The following SHC2 variants were observed in gnomAD, a reference collection of about 807,000 sequenced individuals.
The protein encoded by SHC2 is SHC-transforming protein 2.
Under a neutral mutation model 60.6 loss-of-function variants are expected in SHC2, and 62 were observed. The observed-to-expected ratio is 1.02, with a 90% CI of 0.83 to 1.26. SHC2 has a LOEUF of 1.26. Ranked by LOEUF, SHC2 falls within the 50% of genes most tolerant of loss-of-function variation. SHC2 has a pLI of 0.00. For missense variants in SHC2, 873 were observed against 822.2 expected (o/e 1.06, Z -0.76); for synonymous variants, 375 against 372.4 (o/e 1.01, Z -0.08).
intron 4 of SHC2, 102 bp from the exon 5 acceptor site, chr19:436,785 G>T: frequency 4.4e-6 from 5 of 1,135,246 alleles, no homozygotes; most frequent in Non-Finnish European, 6.3e-6. Context: ...GCAGGGGCAG[G>T]GATGTGGGGA....
chr19:428,782 CTG>C (rs1381301705), intron 9 of SHC2, among the ~76,000 whole-genome samples: 4 of 143,990 alleles, frequency 2.8e-5, no homozygotes, highest in African/African-American at 1.0e-4. Context: ...AAACCTAATA[CTG>C]TGTGGATGAC....
chr19:461,000 C>T lies in SHC2; in HGVS notation c.-4G>A, dbSNP rs1235065681. 105 of 955,762 alleles carry T rather than the reference C, an allele frequency of 1.1e-4. No individual in the cohort carries two copies. Among genetic ancestry groups the T allele is most frequent in the Non-Finnish European group, 1.3e-4 (103 of 803,026 alleles). 59.2% of individuals were successfully genotyped at this position (955,762 alleles called of 1,614,324 possible). On this transcript the variant is annotated 5_prime_UTR_variant, in exon 1 of 13. Coordinates refer to ENST00000264554, the MANE Select transcript of SHC2 (RefSeq NM_012435.3). ...GCCCGCCCGGACCCTGCGTCATGGC[C>T]GCGGCCGCCCGACGGAGCCCGACCG...
In SHC2 at chr19:440,718, G is replaced by C; in HGVS notation, c.539+144C>G. The C allele has an allele frequency of 4.3e-6, 3 of 702,072 alleles. No homozygotes were observed. The highest frequency in any genetic ancestry group is 7.6e-6 in the Non-Finnish European group (3 of 395,258). 43.5% of individuals were successfully genotyped at this position (702,072 alleles called of 1,614,324 possible). A position where few individuals can be genotyped will look rare whatever the true frequency, so the allele number is the denominator to read the frequency against. On this transcript the variant is annotated intron_variant, in intron 2 of 12. Transcript: ENST00000264554. This position sits in a 1 kb window ranked among gnomAD's most constrained non-coding sequence, Gnocchi z 7.0. The stretch of plus-strand genomic sequence containing the variant: ...GGACAGGGCGGAGACGTGGCGTGAA[G>C]TGGGAGGGAGGTGGGGGGCACCGAG...
rs190830108 is a variant in SHC2 at position 457,425 on chromosome 19, G to A, written c.468+3104C>T. ...CCACGGCCGGGGTTTCCATGGCTCA[G>A]GTCTCAGCTTCAAGGTCGCCTCCTG... On this transcript the variant is annotated intron_variant, in intron 1 of 12. Transcript: ENST00000264554. Among the ~76,000 whole-genome samples the A allele has an allele frequency of 3.3e-3, 358 of 108,920 alleles. 4 individuals are homozygous for A. The highest frequency in any genetic ancestry group is 0.015 in the African/African-American group (348 of 22,824). The allele number at this position is 108,920 out of a possible 152,430, so 71.5% of individuals were successfully genotyped here.
chr19:430,542 CAG>C (rs1407800062), intron 9 of SHC2, 140 bp downstream of exon 9: 2 of 659,700 alleles, frequency 3.0e-6, no homozygotes, highest in African/African-American at 3.6e-5. Flanking sequence ...AAAATCTCAG[CAG>C]AGTGTTAGGA....
In SHC2 at chr19:425,734, A is replaced by G. The variant is rs1178637044; in HGVS notation, c.1175-503T>C. ...TTTTAATTGTATTTTGAACGTGTAA[A>G]GTGTTTACATGGGGCCGGGCGTGGT... On this transcript the variant is annotated intron_variant, in intron 9 of 12. Coordinates refer to ENST00000264554, the MANE Select transcript of SHC2 (RefSeq NM_012435.3). This position sits in a 1 kb window ranked among gnomAD's most constrained non-coding sequence, Gnocchi z 4.1. Among the ~76,000 whole-genome samples, 2 of 152,082 alleles carry G rather than the reference A, an allele frequency of 1.3e-5. No homozygotes were observed. The highest frequency in any genetic ancestry group is 2.9e-5 in the Non-Finnish European group (2 of 68,016).
In SHC2 at chr19:430,703, G is replaced by A. The variant is rs768053608; in HGVS notation, c.1155C>T (p.Asp385=). ...TCCTACCTGTACCGGTGGACCCCAC[G>A]TCCCATGGCAGGCTGCAGGCATCTC... ...SLRDACSLPW[D]VGSTGTAPPG... Residue 385 remains aspartate, a synonymous_variant, in exon 9 of 13, where the codon GAC becomes GAT. Transcript: ENST00000264554. 9.9e-5 allele frequency: 159 copies of A among 1,613,036 alleles called. 4 individuals carry two copies. In the South Asian group the frequency reaches 1.7e-3, roughly 17 times the overall value.
rs1339574877 is a variant in SHC2 at position 460,655 on chromosome 19, C to A, written c.342G>T (p.Ala114=). The part of the protein sequence containing the change: ...SRGSRGGRGA[A]GSGDAAAAAE... ...CGGCGGCGGCGGCGTCCCCGGACCC[C>A]GCCGCCCCCCGCCCGCCCCGCGACC... Residue 114 remains alanine, a synonymous_variant, in exon 1 of 13, where the codon GCG becomes GCT. Transcript: ENST00000264554. 3 of 1,166,566 alleles carry A rather than the reference C, an allele frequency of 2.6e-6. No homozygotes were observed. Among genetic ancestry groups the A allele is most frequent in the Non-Finnish European group, 3.2e-6 (3 of 947,268 alleles). The allele number at this position is 1,166,566 out of a possible 1,614,324, so 72.3% of individuals were successfully genotyped here. A position where few individuals can be genotyped will look rare whatever the true frequency, so the allele number is the denominator to read the frequency against.
At chr19:423,089 G>A (rs982600086) in intron 10 of SHC2, among the ~76,000 whole-genome samples, 41 of 152,078 alleles carry the variant, frequency 2.7e-4, no homozygotes, top group Non-Finnish European at 4.0e-4. Context: ...TGGCTGGGGC[G>A]GCCTTGAATT....
At chr19:434,269 TGAGTGAGATCATGA>T (rs1974650907) in intron 8 of SHC2, among the ~76,000 whole-genome samples, 2 of 107,858 alleles carry the variant, frequency 1.9e-5, no homozygotes, top group African/African-American at 9.3e-5. Context: ...AGTGAGATCA[TGAGTGAGATCATGA>T]GTGAGTGAGA....
chr19:417,826 TGGGTGGAGGCCGCGGCCGCATA>T (rs1357122828), intron 12 of SHC2, among the ~76,000 whole-genome samples: 16 of 152,072 alleles, frequency 1.1e-4, no homozygotes, highest in Admixed American at 6.5e-4. Flanking sequence ...GGCTGGGGGC[TGGGTGGAGGCCGCGGCCGCATA>T]GGGGAGGGGC....
At chr19:419,229 C>T in intron 11 of SHC2, 173 bp from the exon 12 acceptor site, 2 of 733,616 alleles carry the variant, frequency 2.7e-6, no homozygotes. Context: ...AATTCCAGAA[C>T]CACCCATGGG....
rs1248765793 is a variant in SHC2, at chr19:443,882, GTGGATGGGTGGGTGGA to G, written c.469-2966_469-2951del. 6.4e-5 allele frequency among the ~76,000 whole-genome samples: 8 copies of G among 125,088 alleles called. 1 individual carries two copies. In the East Asian group the frequency reaches 2.4e-3, roughly 38 times the overall value. 82.1% of individuals were successfully genotyped at this position (125,088 alleles called of 152,430 possible). On this transcript the variant is annotated intron_variant, in intron 1 of 12. Coordinates refer to ENST00000264554, the MANE Select transcript of SHC2 (RefSeq NM_012435.3). ...GATGGATGGGTGGATGGATGTGTAG[GTGGATGGGTGGGTGGA>G]TGGATGGATGGGTGGGTGGATGGAT...
At chr19:426,898 G>A (rs1408066101) in intron 9 of SHC2, among the ~76,000 whole-genome samples, 2 of 152,162 alleles carry the variant, frequency 1.3e-5, no homozygotes, top group African/African-American at 2.4e-5. Flanking sequence ...ACGCAGGCGG[G>A]TGGAGGAATC....
intron 1 of SHC2, among the ~76,000 whole-genome samples, chr19:448,093 G>A (rs1391645111): frequency 1.7e-4 from 26 of 152,336 alleles, no homozygotes; most frequent in East Asian, 1.9e-4. Context: ...AGTGGCTCCC[G>A]GGGCGTGCAC....
intron 1 of SHC2, among the ~76,000 whole-genome samples, chr19:450,442 C>G (rs539276614): frequency 1.0e-3 from 159 of 152,296 alleles, no homozygotes; most frequent in Non-Finnish European, 1.7e-3. Context: ...CCACCACCAC[C>G]GTCTCTCCAG....
At position 460,361 on chromosome 19, in the gene SHC2, T is replaced by A. The variant is rs998137743; in HGVS notation, c.468+168A>T. Among the ~76,000 whole-genome samples the A allele has an allele frequency of 8.0e-4, 121 of 151,118 alleles. 2 individuals carry two copies. The highest frequency in any genetic ancestry group is 2.7e-4 in the Non-Finnish European group (18 of 67,662). Reference sequence around the variant, plus strand: ...GAACCCGGACCCCAGCGCCTCCGGGTGGGGGCAGCCGCCGGCCGCCGGCCG... The same window carrying A: ...GAACCCGGACCCCAGCGCCTCCGGGAGGGGGCAGCCGCCGGCCGCCGGCCG... On this transcript the variant is annotated intron_variant, in intron 1 of 12. Transcript: ENST00000264554.
At position 441,091 on chromosome 19, in the gene SHC2, GC is replaced by G; in HGVS notation, c.469-160del. 1 of 982,750 alleles carries G rather than the reference GC, an allele frequency of 1.0e-6. No homozygotes were observed. The highest frequency in any genetic ancestry group is 1.2e-6 in the Non-Finnish European group (1 of 828,032). 60.9% of individuals were successfully genotyped at this position (982,750 alleles called of 1,614,324 possible). A position where few individuals can be genotyped will look rare whatever the true frequency, so the allele number is the denominator to read the frequency against. ...GCCGTCGTGCCTCCCCCACCTCAAG[GC>G]CCAGCCTTGACACTGTCCTGCGAGC... On this transcript the variant is annotated intron_variant, in intron 1 of 12. Coordinates refer to ENST00000264554, the MANE Select transcript of SHC2 (RefSeq NM_012435.3). The surrounding 1 kb of genome is among the most constrained non-coding windows in gnomAD (Gnocchi z 4.9).
At chr19:460,409 G>T in intron 1 of SHC2, 120 bp downstream of exon 1, 1 of 383,540 alleles carries the variant, frequency 2.6e-6, no homozygotes, top group Non-Finnish European at 4.3e-6. Flanking sequence ...CGGGGTGGCG[G>T]GAGAGCAGGA....
Sources: gnomAD v4.1 joint callset for allele counts (sites outside exome capture counted in the v4.1 genomes callset) on GRCh38, gnomAD v4.1.1 for gene constraint, Gnocchi (gnomAD v3.1) non-coding constraint, MANE v1.5 for transcripts, NCBI Gene and HGNC (gene_info 2026-07-23, HGNC 2026-07-21) for gene names.